Variants in TDRD1 observed in about 807,000 individuals in gnomAD.
TDRD1 encodes tudor domain containing 1.
Under a neutral mutation model 140.6 loss-of-function variants are expected in TDRD1, and 37 were observed. The ratio of observed to expected loss-of-function variants is 0.26; its 90% CI spans 0.20 to 0.35. The LOEUF is 0.35. TDRD1 is among the 10% of genes least tolerant of loss of function. The pLI, the probability that TDRD1 is intolerant of heterozygous loss-of-function variation, is 1.00. For synonymous variants in TDRD1, 506 were observed against 475.7 expected (o/e 1.06, Z -0.83); for missense variants, 1,243 against 1,393.0 (o/e 0.89, Z 1.71).
At chr10:114,188,876 GAAAAAAAAAAAA>G (rs34349007) in intron 2 of TDRD1, among the ~76,000 whole-genome samples, 1 of 107,154 alleles carries the variant, frequency 9.3e-6, no homozygotes, top group South Asian at 3.7e-4. Flanking sequence ...AAAACAAAAT[GAAAAAAAAAAAA>G]AAAAAAACCT....
chr10:114,187,601 C>T (rs568520326), intron 1 of TDRD1, among the ~76,000 whole-genome samples: 8 of 152,228 alleles, frequency 5.3e-5, no homozygotes, highest in African/African-American at 1.9e-4. Flanking sequence ...TTTGATTTTT[C>T]ATGAGTTGGT....
chr10:114,212,473 G>A (rs1430037114), intron 14 of TDRD1, among the ~76,000 whole-genome samples: 3 of 152,170 alleles, frequency 2.0e-5, no homozygotes, highest in Admixed American at 6.6e-5. Flanking sequence ...GTATGAGAGA[G>A]TCCATTCTCA....
chr10:114,206,143 T>C, intron 10 of TDRD1, 101 bp from the exon 11 acceptor site: 6 of 843,034 alleles, frequency 7.1e-6, no homozygotes, highest in Middle Eastern at 3.1e-4. Context: ...TTAATAGCTA[T>C]GAACGTGTGT....
chr10:114,199,145 T>C (rs1245370862), intron 3 of TDRD1, 28 bp from the exon 4 acceptor site: 1 of 1,596,508 alleles, frequency 6.3e-7, no homozygotes, highest in Admixed American at 1.8e-5. Flanking sequence ...TGCCAAATTC[T>C]AACATTGCTC....
intron 3 of TDRD1, among the ~76,000 whole-genome samples, chr10:114,194,748 T>G (rs550341079): frequency 3.4e-5 from 5 of 148,352 alleles, no homozygotes; most frequent in Non-Finnish European, 7.4e-5. Context: ...TTTTTAGTGG[T>G]TGGTTGTTGG....
chr10:114,222,747 C>A, intron 21 of TDRD1, 44 bp downstream of exon 21: 1 of 1,116,134 alleles, frequency 9.0e-7, no homozygotes, highest in Non-Finnish European at 1.4e-6. Flanking sequence ...GGTATTTAGT[C>A]TGTTTTGTTC....
intron 4 of TDRD1, among the ~76,000 whole-genome samples, chr10:114,201,119 G>A (rs547841851): frequency 6.5e-4 from 99 of 152,124 alleles, no homozygotes; most frequent in Middle Eastern, 3.4e-3. Flanking sequence ...GCCGCCCAAA[G>A]TGCTGGGATT....
chr10:114,191,014 A>G, exon 3 of TDRD1: 1 of 1,613,842 alleles, frequency 6.2e-7, no homozygotes, highest in Non-Finnish European at 8.5e-7. Context: ...CAAAGAAGTG[A>G]ATATTGTAAG....
chr10:114,213,408 C>A, exon 15 of TDRD1: 4 of 1,613,880 alleles, frequency 2.5e-6, no homozygotes, highest in Non-Finnish European at 3.4e-6. Flanking sequence ...AAAACTTGTA[C>A]AGAACAAAAT....
At chr10:114,232,514 T>C (rs1414587222), downstream of TDRD1, among the ~76,000 whole-genome samples, 2 of 148,218 alleles carry the variant, frequency 1.3e-5, no homozygotes, top group East Asian at 3.9e-4. Flanking sequence ...CTTTTTTTTT[T>C]TTTTTTTTTT....
intron 16 of TDRD1, 31 bp from the exon 17 acceptor site, chr10:114,217,514 C>G: frequency 8.4e-7 from 1 of 1,189,354 alleles, no homozygotes; most frequent in Non-Finnish European, 1.2e-6. Context: ...TTAATATGTT[C>G]TTAATTTTTT....
Position 114,203,375 on chromosome 10 carries a change from T to A in TDRD1, c.802-13T>A. 1.3e-6 allele frequency: 2 copies of A among 1,565,058 alleles called. No homozygotes were observed. The highest frequency in any genetic ancestry group is 1.7e-6 in the Non-Finnish European group (2 of 1,160,666). ...CCTTATGAATTATTCCTCTTTTTTT[T>A]TATCTTTGAAAGGGTACGGTTACCG... On this transcript the variant is annotated splice_polypyrimidine_tract_variant and intron_variant, in intron 7 of 25. Transcript: ENST00000251864.
chr10:114,200,041 A>G (rs922407221), intron 4 of TDRD1, among the ~76,000 whole-genome samples: 3 of 152,188 alleles, frequency 2.0e-5, no homozygotes, highest in Non-Finnish European at 4.4e-5. Flanking sequence ...ACCATTTTCA[A>G]GGTATTGTCC....
At chr10:114,179,561 G>C (rs1439531921) in intron 1 of TDRD1, 145 bp downstream of exon 1, 2 of 152,246 alleles carry the variant, frequency 1.3e-5, no homozygotes, top group African/African-American at 4.8e-5. Flanking sequence ...AGTGGAGAGA[G>C]GAGACTTGGA....
chr10:114,231,228 AT>A (rs2036735910), intron 25 of TDRD1, among the ~76,000 whole-genome samples: 1 of 152,190 alleles, frequency 6.6e-6, no homozygotes, highest in Admixed American at 6.5e-5. Flanking sequence ...ACACAAGTTA[AT>A]GTCAGATATC....
chr10:114,203,599 G>A (rs1276754994), intron 8 of TDRD1, 32 bp downstream of exon 8: 11 of 1,563,672 alleles, frequency 7.0e-6, no homozygotes, highest in African/African-American at 2.7e-5. Flanking sequence ...TATTTAAAAC[G>A]TTTGAGCTAA....
chr10:114,195,941 T>C (rs1351045241), intron 3 of TDRD1, among the ~76,000 whole-genome samples: 1 of 152,238 alleles, frequency 6.6e-6, no homozygotes, highest in Non-Finnish European at 1.5e-5. Flanking sequence ...TACGGTATCA[T>C]GTATACACAA....
intron 1 of TDRD1, 21 bp downstream of exon 1, chr10:114,179,437 AGGGGAGGGAGAGGGCCTGCATGAAG>A (rs2032836768): frequency 6.6e-6 from 1 of 151,202 alleles, no homozygotes; most frequent in Non-Finnish European, 1.5e-5. Context: ...CCAGGCGTAT[AGGGGAGGGAGAGGGCCTGCATGAAG>A]GGGAAGGGAG....
intron 1 of TDRD1, among the ~76,000 whole-genome samples, chr10:114,184,021 G>A (rs1311858793): frequency 1.3e-5 from 2 of 152,012 alleles, no homozygotes; most frequent in African/African-American, 4.8e-5. Flanking sequence ...GGCTAGGAAT[G>A]CTTTTTAAAA....
Sources: allele counts gnomAD v4.1 joint callset (sites outside exome capture counted in the v4.1 genomes callset), GRCh38; gene constraint gnomAD v4.1.1; transcripts MANE v1.5; gene names NCBI Gene and HGNC (gene_info 2026-07-23, HGNC 2026-07-21).